PTPRT: variants seen among roughly 807,000 people sequenced by gnomAD.
PTPRT encodes protein tyrosine phosphatase receptor type T.
PTPRT carries 56 observed loss-of-function variants against 176.8 expected under a neutral mutation model. The observed-to-expected ratio is 0.32, with a 90% CI of 0.26 to 0.40. The LOEUF is 0.40. PTPRT is among the 10% of genes least tolerant of loss of function. PTPRT has a pLI of 1.00. For missense variants in PTPRT, 1,540 were observed against 1,908.2 expected (o/e 0.81, Z 3.60); for synonymous variants, 783 against 739.0 (o/e 1.06, Z -0.96).
intron 14 of PTPRT, among the ~76,000 whole-genome samples, chr20:42,242,481 C>A (rs6016726): frequency 0.6 from 90,683 of 152,018 alleles, 27,550 homozygotes; most frequent in African/African-American, 0.68. Context: ...ATGGGTCCTC[C>A]CAGAGGGGAT....
chr20:42,629,872 T>C (rs1226548653), intron 7 of PTPRT, among the ~76,000 whole-genome samples: 1 of 152,022 alleles, frequency 6.6e-6, no homozygotes, highest in East Asian at 1.9e-4. Context: ...CCTACACCAA[T>C]GGGGGGAAAA....
At chr20:42,951,312 T>C (rs754671050) in intron 1 of PTPRT, among the ~76,000 whole-genome samples, 4 of 148,760 alleles carry the variant, frequency 2.7e-5, no homozygotes, top group Admixed American at 6.7e-5. Context: ...GATGAGTAGA[T>C]GGGGGATGAG....
intron 11 of PTPRT, among the ~76,000 whole-genome samples, chr20:42,327,083 GT>G (rs1254421825): frequency 1.6e-4 from 9 of 55,664 alleles, no homozygotes; most frequent in African/African-American, 2.6e-4. Context: ...AGGTAGGGGT[GT>G]GTGTGTGTGT....
At chr20:42,569,097 T>A (rs2073106293) in intron 7 of PTPRT, among the ~76,000 whole-genome samples, 1 of 103,906 alleles carries the variant, frequency 9.6e-6, no homozygotes, top group Non-Finnish European at 1.9e-5. Context: ...TATATATATA[T>A]ATATATATAT....
chr20:42,153,593 G>C (rs749141467), intron 17 of PTPRT, among the ~76,000 whole-genome samples: 1 of 152,178 alleles, frequency 6.6e-6, no homozygotes, highest in South Asian at 2.1e-4. Context: ...GGGAAAGACT[G>C]AGTCTCTTCC....
intron 11 of PTPRT, among the ~76,000 whole-genome samples, chr20:42,318,921 A>G (rs567701684): frequency 6.6e-6 from 1 of 152,300 alleles, no homozygotes; most frequent in Admixed American, 6.5e-5. Flanking sequence ...ATGGATCAAG[A>G]GGAACCACAT....
chr20:42,213,322 G>A (rs980684094), intron 15 of PTPRT, among the ~76,000 whole-genome samples: 2 of 80,924 alleles, frequency 2.5e-5, no homozygotes, highest in African/African-American at 6.4e-5. Context: ...TAAGAGACCC[G>A]GGTGCCGGGT....
chr20:42,881,523 G>C (rs1254327819), intron 2 of PTPRT, among the ~76,000 whole-genome samples: 1 of 151,952 alleles, frequency 6.6e-6, no homozygotes, highest in Non-Finnish European at 1.5e-5. Context: ...TCAGGAGGTC[G>C]AGACCAGCCT....
intron 6 of PTPRT, among the ~76,000 whole-genome samples, chr20:42,716,662 G>T (rs1310769620): frequency 6.6e-6 from 1 of 152,116 alleles, no homozygotes; most frequent in Non-Finnish European, 1.5e-5. Flanking sequence ...CCCTTTGTCA[G>T]ATGAGTACAT....
At chr20:43,048,439 A>G (rs978411517) in intron 1 of PTPRT, among the ~76,000 whole-genome samples, 3 of 152,094 alleles carry the variant, frequency 2.0e-5, no homozygotes, top group African/African-American at 7.2e-5. Context: ...CAGTCATGGA[A>G]TCTTAGACAT....
chr20:42,636,747 T>C (rs2074609763), intron 7 of PTPRT, among the ~76,000 whole-genome samples: 1 of 152,050 alleles, frequency 6.6e-6, no homozygotes, highest in South Asian at 2.1e-4. Context: ...ATCACACCAC[T>C]GCACTCCAGC....
chr20:42,690,495 G>C (rs2075775077), intron 6 of PTPRT, among the ~76,000 whole-genome samples: 1 of 152,168 alleles, frequency 6.6e-6, no homozygotes. Flanking sequence ...GTCATGGATT[G>C]AATGTAAGGA....
intron 1 of PTPRT, among the ~76,000 whole-genome samples, chr20:43,163,644 A>C (rs906172433): frequency 6.7e-6 from 1 of 148,844 alleles, no homozygotes; most frequent in Admixed American, 6.9e-5. Context: ...TCTCAAAAAC[A>C]AAACAAAACA....
At chr20:42,366,373 C>T (rs2058514379) in intron 9 of PTPRT, among the ~76,000 whole-genome samples, 1 of 152,330 alleles carries the variant, frequency 6.6e-6, no homozygotes. Flanking sequence ...TGGGAGGTTG[C>T]TAACTGTGTG....
chr20:43,136,814 C>G (rs939935374), intron 1 of PTPRT, among the ~76,000 whole-genome samples: 2 of 152,172 alleles, frequency 1.3e-5, no homozygotes, highest in Non-Finnish European at 2.9e-5. Flanking sequence ...TATGTAAAGT[C>G]TGTGTCTATA....
intron 1 of PTPRT, among the ~76,000 whole-genome samples, chr20:43,184,230 G>A (rs951050871): frequency 6.6e-6 from 1 of 152,188 alleles, no homozygotes; most frequent in Admixed American, 6.5e-5. Context: ...TAGCAGCCTG[G>A]CTTCAGTGTG....
chr20:42,645,420 G>T (rs1443738985), intron 7 of PTPRT, among the ~76,000 whole-genome samples: 1 of 152,116 alleles, frequency 6.6e-6, no homozygotes, highest in African/African-American at 2.4e-5. Context: ...AACCACAGTT[G>T]GCCACAATGG....
intron 2 of PTPRT, among the ~76,000 whole-genome samples, chr20:42,874,518 A>G (rs1183214336): frequency 6.6e-6 from 1 of 152,246 alleles, no homozygotes; most frequent in Non-Finnish European, 1.5e-5. Flanking sequence ...AAGTCCACTT[A>G]TGGTATCTAA....
intron 7 of PTPRT, among the ~76,000 whole-genome samples, chr20:42,636,005 C>A (rs896969560): frequency 1.3e-5 from 2 of 152,102 alleles, no homozygotes; most frequent in Non-Finnish European, 2.9e-5. Flanking sequence ...AGGAAAGTCA[C>A]CGAGTTAATG....
Sources: gnomAD v4.1 joint callset for allele counts (sites outside exome capture counted in the v4.1 genomes callset) on GRCh38, gnomAD v4.1.1 for gene constraint, MANE v1.5 for transcripts, NCBI Gene and HGNC (gene_info 2026-07-23, HGNC 2026-07-21) for gene names.